NRG1: variants seen among roughly 807,000 people sequenced by gnomAD.
NRG1 encodes neuregulin 1, also known as pro-neuregulin-1, membrane-bound isoform.
NRG1 carries 18 observed loss-of-function variants against 63.8 expected under a neutral mutation model. The observed-to-expected ratio is 0.28, with a 90% CI of 0.19 to 0.42. The LOEUF (loss-of-function observed/expected upper bound fraction) is 0.42. NRG1 is among the 10% of genes least tolerant of loss of function. The pLI, the probability that NRG1 is intolerant of heterozygous loss-of-function variation, is 1.00. For synonymous variants in NRG1, 302 were observed against 301.3 expected (o/e 1.00, Z -0.02); for missense variants, 762 against 814.7 (o/e 0.94, Z 0.79).
At chr8:32,110,601 C>T (rs968804994) in intron 1 of NRG1, among the ~76,000 whole-genome samples, 2 of 152,114 alleles carry the variant, frequency 1.3e-5, no homozygotes, top group Non-Finnish European at 1.5e-5. Flanking sequence ...TTCTTTTAAA[C>T]ATCTCTTCTG....
chr8:31,900,468 T>A (rs1444524521), intron 1 of NRG1, among the ~76,000 whole-genome samples: 1 of 152,192 alleles, frequency 6.6e-6, no homozygotes, highest in Non-Finnish European at 1.5e-5. Flanking sequence ...AGCATTATAC[T>A]AAGTAGAGAA....
chr8:32,402,612 A>G (rs1398251492), intron 1 of NRG1, among the ~76,000 whole-genome samples: 1 of 152,106 alleles, frequency 6.6e-6, no homozygotes, highest in Non-Finnish European at 1.5e-5. Flanking sequence ...CGACCATGGC[A>G]GTATGGGGGT....
At chr8:32,114,644 T>G (rs1338575658) in intron 1 of NRG1, among the ~76,000 whole-genome samples, 1 of 152,166 alleles carries the variant, frequency 6.6e-6, no homozygotes, top group African/African-American at 2.4e-5. Flanking sequence ...TCTTATCTAT[T>G]TCATCAGGTA....
intron 1 of NRG1, among the ~76,000 whole-genome samples, chr8:32,521,207 G>A (rs1367956814): frequency 6.6e-6 from 1 of 151,986 alleles, no homozygotes; most frequent in Non-Finnish European, 1.5e-5. Context: ...TGGATAACGG[G>A]GACCACTGTA....
chr8:32,159,655 A>G (rs1050969849), intron 1 of NRG1, among the ~76,000 whole-genome samples: 11 of 152,114 alleles, frequency 7.2e-5, no homozygotes, highest in Non-Finnish European at 1.5e-4. Flanking sequence ...GATGAAAAGT[A>G]TAGAATATTT....
At chr8:32,422,561 A>G (rs1397165459) in intron 1 of NRG1, among the ~76,000 whole-genome samples, 1 of 152,168 alleles carries the variant, frequency 6.6e-6, no homozygotes, top group Admixed American at 6.5e-5. Flanking sequence ...TCTGTGGTAA[A>G]TTCCTGAAAG....
intron 1 of NRG1, among the ~76,000 whole-genome samples, chr8:31,993,515 A>T (rs1425224429): frequency 6.6e-6 from 1 of 151,896 alleles, no homozygotes; most frequent in African/African-American, 2.4e-5. Context: ...GTCTCATTAG[A>T]TTTGATGGTT....
chr8:32,291,533 C>CT (rs757839225), intron 1 of NRG1, among the ~76,000 whole-genome samples: 38,486 of 98,308 alleles, frequency 0.39, 8,553 homozygotes, highest in East Asian at 0.58. Flanking sequence ...TTTTTATCCA[C>CT]TTTTTTTTTT....
chr8:32,455,748 T>C (rs901519330), intron 1 of NRG1, among the ~76,000 whole-genome samples: 1 of 152,226 alleles, frequency 6.6e-6, no homozygotes, highest in African/African-American at 2.4e-5. Context: ...ATGCTTTTTT[T>C]AAACCTCTTG....
In NRG1 at chr8:32,721,921, A is replaced by G. The variant is rs1006140737; in HGVS notation, c.503-6028A>G. The G allele has an allele frequency of 1.3e-5, 19 of 1,510,008 alleles. No homozygotes were observed. In the Admixed American group the frequency reaches 1.9e-4, roughly 15 times the overall value. The allele number at this position is 1,510,008 out of a possible 1,614,324, so 93.5% of individuals were successfully genotyped here. On this transcript the variant is annotated intron_variant, in intron 5 of 11. Transcript: ENST00000356819. ...CCAGTAGGAGTTCAGTCTGCTCATTATACCTAATTGCAAAGGAGCTATATT... is the reference window on the plus strand; with the variant it reads ...CCAGTAGGAGTTCAGTCTGCTCATTGTACCTAATTGCAAAGGAGCTATATT...
downstream of NRG1, among the ~76,000 whole-genome samples, chr8:32,771,276 ATTTTTTTTTT>A (rs553989637): frequency 7.9e-3 from 735 of 92,774 alleles, 11 homozygotes; most frequent in African/African-American, 0.031. Flanking sequence ...ATGCCCAGCG[ATTTTTTTTTT>A]TTTTTTTTTT....
At chr8:31,973,064 C>G (rs1381150378) in intron 1 of NRG1, among the ~76,000 whole-genome samples, 1 of 152,122 alleles carries the variant, frequency 6.6e-6, no homozygotes, top group Non-Finnish European at 1.5e-5. Context: ...CCCCTCTTCC[C>G]ATTCTCCACA....
intron 1 of NRG1, among the ~76,000 whole-genome samples, chr8:32,417,499 C>A (rs889058014): frequency 6.6e-6 from 1 of 152,028 alleles, no homozygotes; most frequent in Non-Finnish European, 1.5e-5. Context: ...ACTTGGGAGA[C>A]CTGTGTGACC....
At chr8:31,811,564 CTGTTTT>C (rs1822891885) in intron 1 of NRG1, among the ~76,000 whole-genome samples, 1 of 152,080 alleles carries the variant, frequency 6.6e-6, no homozygotes, top group South Asian at 2.1e-4. Flanking sequence ...TTGTATGTTA[CTGTTTT>C]TATCTTCTGT....
chr8:32,306,132 C>T (rs1319378833), intron 1 of NRG1, among the ~76,000 whole-genome samples: 1 of 152,172 alleles, frequency 6.6e-6, no homozygotes, highest in African/African-American at 2.4e-5. Flanking sequence ...TTCCATTTCA[C>T]CATTTACTTT....
intron 1 of NRG1, among the ~76,000 whole-genome samples, chr8:32,010,640 G>T (rs1305625879): frequency 6.6e-6 from 1 of 151,928 alleles, no homozygotes; most frequent in Non-Finnish European, 1.5e-5. Flanking sequence ...ATTGAAATGG[G>T]TTATTACTCT....
At chr8:32,364,957 C>CTTTTTTTTTTTTTTTTTTT (rs372216683) in intron 1 of NRG1, among the ~76,000 whole-genome samples, 13 of 108,442 alleles carry the variant, frequency 1.2e-4, no homozygotes, top group Non-Finnish European at 2.0e-4. Flanking sequence ...CCCTTTACTA[C>CTTTTTTTTTTTTTTTTTTT]TTTTTTTTTT....
At chr8:32,138,597 G>A (rs1835851206) in intron 1 of NRG1, among the ~76,000 whole-genome samples, 1 of 151,894 alleles carries the variant, frequency 6.6e-6, no homozygotes, top group Non-Finnish European at 1.5e-5. Flanking sequence ...GTCTCACTCT[G>A]TCGCCCAGAC....
chr8:31,864,299 C>G (rs1828746399), intron 1 of NRG1, among the ~76,000 whole-genome samples: 1 of 152,186 alleles, frequency 6.6e-6, no homozygotes, highest in East Asian at 1.9e-4. Flanking sequence ...CCTCATAGAG[C>G]TTACCTCTTA....
Sources: gnomAD v4.1 joint callset for allele counts (sites outside exome capture counted in the v4.1 genomes callset) on GRCh38, gnomAD v4.1.1 for gene constraint, MANE v1.5 for transcripts, NCBI Gene and HGNC (gene_info 2026-07-23, HGNC 2026-07-21) for gene names.